Variants in PCDHA7 observed in about 807,000 individuals in gnomAD.
PCDHA7 encodes the protein protocadherin alpha 7.
PCDHA7 carries 37 observed loss-of-function variants against 57.2 expected under a neutral mutation model. The observed-to-expected ratio is 0.65, with a 90% confidence interval of 0.50 to 0.85. PCDHA7 has a LOEUF of 0.85. Among genes scored for constraint, PCDHA7 ranks in the 40% least tolerant of loss-of-function variants. The pLI, the probability that PCDHA7 is intolerant of heterozygous loss-of-function variation, is 0.00. For missense variants in PCDHA7, 1,188 were observed against 1,241.8 expected, an observed-to-expected ratio of 0.96 and a Z score of 0.65; for synonymous variants, 553 against 558.8, an observed-to-expected ratio of 0.99 and a Z score of 0.15.
At chr5:140,843,002 A>G in intron 1 of PCDHA7, 2 of 1,595,004 alleles carry the variant, frequency 1.3e-6, no homozygotes, top group Non-Finnish European at 1.7e-6. Context: ...CGAGAATGAC[A>G]ACGCGCCGGC....
At position 140,858,138 on chromosome 5, in the gene PCDHA7, A is replaced by T. The variant is rs577433161; in HGVS notation, c.2355+21400A>T. On this transcript the variant is annotated intron_variant, in intron 1 of 3. Coordinates refer to ENST00000525929, the MANE Select transcript of PCDHA7 (RefSeq NM_018910.3). ...GTGGCCCTGGTGGATGTCAACGTGT[A>T]CCTGATCATCGCCATCTGCGCGGTG... 43 of 1,597,514 alleles carry T rather than the reference A, an allele frequency of 2.7e-5. 1 individual carries two copies. The African/African-American group carries it at 5.5e-4, about 20-fold the overall frequency.
At chr5:140,957,726 A>T (rs1297510940) in intron 1 of PCDHA7, among the ~76,000 whole-genome samples, 4 of 152,164 alleles carry the variant, frequency 2.6e-5, no homozygotes, top group Non-Finnish European at 5.9e-5. Flanking sequence ...AAGAAGCAGA[A>T]TTATATATAC....
intron 1 of PCDHA7, chr5:140,843,353 G>A: frequency 1.3e-6 from 2 of 1,596,134 alleles, no homozygotes; most frequent in African/African-American, 1.3e-5. Context: ...GGCTCCAAAA[G>A]CGTCATCGAG....
chr5:140,871,452 G>A (rs1207559291), intron 1 of PCDHA7: 2 of 1,608,490 alleles, frequency 1.2e-6, no homozygotes, highest in East Asian at 2.2e-5. Context: ...ATAAAGAGGA[G>A]GAAGGGGAAA....
chr5:140,900,342 A>T (rs965236795), intron 1 of PCDHA7, among the ~76,000 whole-genome samples: 3 of 152,034 alleles, frequency 2.0e-5, no homozygotes, highest in South Asian at 2.1e-4. Context: ...CCGTGGCGCA[A>T]TCTTGGCTCA....
intron 1 of PCDHA7, chr5:140,849,617 G>C (rs2150442549): frequency 6.3e-7 from 1 of 1,598,746 alleles, no homozygotes; most frequent in Non-Finnish European, 8.6e-7. Context: ...TGATTAGTGT[G>C]ATCGACCTAG....
intron 1 of PCDHA7, chr5:140,882,587 G>A (rs559310344): frequency 6.2e-7 from 1 of 1,614,256 alleles, no homozygotes; most frequent in East Asian, 2.2e-5. Flanking sequence ...CATCCACCTG[G>A]AGGTGATCGT....
chr5:140,925,685 G>T (rs1584406507), intron 1 of PCDHA7, among the ~76,000 whole-genome samples: 1 of 137,694 alleles, frequency 7.3e-6, no homozygotes, highest in South Asian at 2.3e-4. Flanking sequence ...ATAAAGCGAG[G>T]GTGGGTATCT....
chr5:140,862,412 G>C (rs536653894), intron 1 of PCDHA7: 92 of 349,964 alleles, frequency 2.6e-4, no homozygotes, highest in Middle Eastern at 1.0e-3. Flanking sequence ...ACCTTCAAAA[G>C]GCGCTGCCCA....
chr5:140,891,148 A>C (rs913917156), intron 1 of PCDHA7, among the ~76,000 whole-genome samples: 2 of 151,726 alleles, frequency 1.3e-5, no homozygotes, highest in Non-Finnish European at 2.9e-5. Flanking sequence ...TATTCTGTTT[A>C]TTTTCCTTTG....
At chr5:140,957,070 C>T (rs1260856872) in intron 1 of PCDHA7, among the ~76,000 whole-genome samples, 2 of 151,958 alleles carry the variant, frequency 1.3e-5, no homozygotes, top group Non-Finnish European at 2.9e-5. Context: ...TGACTGAGGG[C>T]TTTTTATTAA....
In PCDHA7 at chr5:140,838,535, A is replaced by G. The variant is rs1417451596; in HGVS notation, c.2355+1797A>G. On this transcript the variant is annotated intron_variant, in intron 1 of 3. Transcript: ENST00000525929. ...ATTTGCATCTTATTTTCTTTTATGG[A>G]TATATCATGATTTATTCATCCAGTA... 2.0e-5 allele frequency among the ~76,000 whole-genome samples: 3 copies of G among 151,550 alleles called. No homozygotes were observed. The East Asian group carries it at 5.8e-4, about 29-fold the overall frequency.
chr5:141,000,385 CTCTCTCTCTCTA>C (rs1405113604), intron 3 of PCDHA7, among the ~76,000 whole-genome samples: 12 of 64,976 alleles, frequency 1.8e-4, no homozygotes, highest in Admixed American at 6.0e-4. Context: ...CTCTCTCTCT[CTCTCTCTCTCTA>C]TATATATATA....
chr5:140,898,114 G>A (rs367767804), intron 1 of PCDHA7, among the ~76,000 whole-genome samples: 18 of 151,862 alleles, frequency 1.2e-4, no homozygotes, highest in Non-Finnish European at 2.4e-4. Context: ...AGTAGGTTGC[G>A]AAAATTTTCT....
At chr5:140,991,101 T>C (rs1281707030) in intron 3 of PCDHA7, among the ~76,000 whole-genome samples, 3 of 152,218 alleles carry the variant, frequency 2.0e-5, no homozygotes, top group African/African-American at 4.8e-5. Flanking sequence ...CTCATAAGAA[T>C]TAAGTGGCTT....
At chr5:140,926,942 C>CT in intron 1 of PCDHA7, 1 of 1,585,854 alleles carries the variant, frequency 6.3e-7, no homozygotes, top group Non-Finnish European at 8.6e-7. Flanking sequence ...TCCTGCGGCG[C>CT]TGCAGCGGGA....
At chr5:140,862,657 C>A (rs2047475881) in intron 1 of PCDHA7, 6 of 545,246 alleles carry the variant, frequency 1.1e-5, no homozygotes, top group Admixed American at 9.6e-5. Flanking sequence ...CGCGCGGGAC[C>A]GGGACGCGCA....
Position 140,843,193 on chromosome 5 carries a change from G to A in PCDHA7, c.2355+6455G>A, listed in dbSNP as rs2150355040. The A allele has an allele frequency of 5.0e-6, 8 of 1,595,932 alleles. 1 individual carries two copies. The highest frequency in any genetic ancestry group is 6.9e-6 in the Non-Finnish European group (8 of 1,165,582). On this transcript the variant is annotated intron_variant, in intron 1 of 3. Transcript: ENST00000525929. ...GCAGCCCTCGCATCCCGTTCCGCGTGGGGCTGTACACGGGCGAGATCAGCA... is the reference window on the plus strand; with the variant it reads ...GCAGCCCTCGCATCCCGTTCCGCGTAGGGCTGTACACGGGCGAGATCAGCA...
intron 1 of PCDHA7, among the ~76,000 whole-genome samples, chr5:140,900,728 C>A (rs2068258961): frequency 1.3e-5 from 2 of 152,188 alleles, no homozygotes; most frequent in Non-Finnish European, 2.9e-5. Flanking sequence ...TCCTACCTAG[C>A]AGTGGGATTT....
Sources: allele counts gnomAD v4.1 joint callset (sites outside exome capture counted in the v4.1 genomes callset), GRCh38; gene constraint gnomAD v4.1.1; transcripts MANE v1.5; gene names NCBI Gene and HGNC (gene_info 2026-07-23, HGNC 2026-07-21).